The following SLC35F1 variants were observed in gnomAD, a reference collection of about 807,000 sequenced individuals.
SLC35F1 encodes solute carrier family 35 member F1, also known as chromosome 6 open reading frame 169.
In SLC35F1, 14 loss-of-function variants were observed where a neutral mutation model predicts 48.7. That is an observed-to-expected ratio of 0.29 (90% CI 0.19 to 0.45). SLC35F1 has a LOEUF of 0.45. Ranked by LOEUF, SLC35F1 falls within the 20% of genes least tolerant of loss-of-function variation. SLC35F1 has a pLI of 1.00. For missense variants in SLC35F1, 404 were observed against 500.0 expected (o/e 0.81, Z 1.83); for synonymous variants, 190 against 202.2 (o/e 0.94, Z 0.51).
At chr6:118,045,636 G>A (rs1241446837) in intron 1 of SLC35F1, among the ~76,000 whole-genome samples, 1 of 152,154 alleles carries the variant, frequency 6.6e-6, no homozygotes. Flanking sequence ...TCTTCTGCCT[G>A]TGCATCAGGG....
intron 3 of SLC35F1, among the ~76,000 whole-genome samples, chr6:118,250,105 A>G (rs1775554791): frequency 6.6e-6 from 1 of 152,196 alleles, no homozygotes; most frequent in Non-Finnish European, 1.5e-5. Context: ...AGGCGATGCA[A>G]TGAGCACCTC....
rs984215991 is a variant in SLC35F1, at chr6:118,018,328, G to A, written c.173+110429G>A. 4.6e-5 allele frequency among the ~76,000 whole-genome samples: 7 copies of A among 151,550 alleles called. No individual in the cohort carries two copies. The South Asian group carries it at 6.3e-4, about 14-fold the overall frequency. ...GGAGGTTGCAGTGAGCTGAGATCGC[G>A]CCACTGCATTCTAGCCTGGATGACA... On this transcript the variant is annotated intron_variant, in intron 1 of 7. Transcript: ENST00000360388.
chr6:118,029,819 G>A (rs1016474284), intron 1 of SLC35F1, among the ~76,000 whole-genome samples: 11 of 151,948 alleles, frequency 7.2e-5, no homozygotes, highest in Middle Eastern at 3.2e-3. Flanking sequence ...CCTTCACTAC[G>A]CTAATGTGAA....
At chr6:118,024,603 G>A (rs1157132373) in intron 1 of SLC35F1, among the ~76,000 whole-genome samples, 6 of 152,154 alleles carry the variant, frequency 3.9e-5, no homozygotes, top group African/African-American at 9.7e-5. Flanking sequence ...TGACCACAGA[G>A]TGAATTTCTG....
At chr6:118,218,617 C>A (rs537652670) in intron 2 of SLC35F1, among the ~76,000 whole-genome samples, 1 of 152,238 alleles carries the variant, frequency 6.6e-6, no homozygotes, top group South Asian at 2.1e-4. Flanking sequence ...AAAGAGTTTT[C>A]TTTTATTCAC....
At chr6:118,031,231 C>T (rs1438477187) in intron 1 of SLC35F1, among the ~76,000 whole-genome samples, 1 of 152,056 alleles carries the variant, frequency 6.6e-6, no homozygotes, top group Non-Finnish European at 1.5e-5. Flanking sequence ...TTCTTTATCC[C>T]TTACATCTGA....
At chr6:117,918,768 G>C (rs1196711196) in intron 1 of SLC35F1, among the ~76,000 whole-genome samples, 1 of 152,136 alleles carries the variant, frequency 6.6e-6, no homozygotes, top group Non-Finnish European at 1.5e-5. Flanking sequence ...CAAGAAGCCA[G>C]AACCATCATC....
At chr6:118,267,273 G>A in intron 4 of SLC35F1, 119 bp downstream of exon 4, 1 of 1,195,342 alleles carries the variant, frequency 8.4e-7, no homozygotes, top group South Asian at 1.4e-5. Context: ...CCCACTATCT[G>A]TGTCCTGTTC....
rs551182524 is a variant in SLC35F1 at position 118,131,854 on chromosome 6, C to T, written c.174-22591C>T. 1.3e-4 allele frequency among the ~76,000 whole-genome samples: 20 copies of T among 151,972 alleles called. No homozygotes were observed. In the South Asian group the frequency reaches 3.5e-3, roughly 27 times the overall value. On this transcript the variant is annotated intron_variant, in intron 1 of 7. Transcript: ENST00000360388. ...ATTAATATAAGTAATATATATCACCCTACTGATGAATCATTTTGTCTCTAT... is the reference window on the plus strand; with the variant it reads ...ATTAATATAAGTAATATATATCACCTTACTGATGAATCATTTTGTCTCTAT...
rs1465234977 is a variant in SLC35F1, at chr6:118,314,340, C to G, written c.*88C>G. 1.6e-6 allele frequency: 2 copies of G among 1,216,298 alleles called. No individual in the cohort carries two copies. The highest frequency in any genetic ancestry group is 3.0e-5 in the African/African-American group (2 of 66,500). 75.3% of individuals were successfully genotyped at this position (1,216,298 alleles called of 1,614,324 possible). ...TATTGTACATAGAGAAAGGTATTTA[C>G]TAGGTGCAGTTTACACAGGTGGACT... On this transcript the variant is annotated 3_prime_UTR_variant, in exon 8 of 8. Coordinates refer to ENST00000360388, the MANE Select transcript of SLC35F1 (RefSeq NM_001029858.4).
At chr6:118,118,769 A>T (rs1355796133) in intron 1 of SLC35F1, among the ~76,000 whole-genome samples, 2 of 152,178 alleles carry the variant, frequency 1.3e-5, no homozygotes, top group Non-Finnish European at 2.9e-5. Flanking sequence ...AGGAAGGGAC[A>T]GGGCTGGGAG....
chr6:117,990,856 G>T (rs1225077796), intron 1 of SLC35F1, among the ~76,000 whole-genome samples: 2 of 152,154 alleles, frequency 1.3e-5, no homozygotes, highest in Non-Finnish European at 2.9e-5. Context: ...TGCAGTTGGA[G>T]TGTTGGCTCC....
chr6:117,966,984 T>TATCA (rs906732382), intron 1 of SLC35F1, among the ~76,000 whole-genome samples: 7 of 152,218 alleles, frequency 4.6e-5, no homozygotes, highest in African/African-American at 1.7e-4. Context: ...GAAACTTTGA[T>TATCA]ATTTTTGATT....
At chr6:118,262,247 T>A (rs1001266757) in intron 3 of SLC35F1, among the ~76,000 whole-genome samples, 4 of 151,834 alleles carry the variant, frequency 2.6e-5, no homozygotes, top group African/African-American at 9.7e-5. Context: ...GAAGGGAGCA[T>A]CCACAGAAGT....
chr6:118,055,014 A>C (rs1283879012), intron 1 of SLC35F1, among the ~76,000 whole-genome samples: 1 of 152,104 alleles, frequency 6.6e-6, no homozygotes, highest in African/African-American at 2.4e-5. Context: ...TGACCGCGTG[A>C]TCCGCCTGCC....
intron 1 of SLC35F1, among the ~76,000 whole-genome samples, chr6:118,010,744 T>C (rs1777234042): frequency 6.6e-6 from 1 of 152,190 alleles, no homozygotes; most frequent in Admixed American, 6.5e-5. Flanking sequence ...TTGTTGTGTT[T>C]ACAGAATTTC....
At chr6:117,909,479 T>C (rs1296783769) in intron 1 of SLC35F1, among the ~76,000 whole-genome samples, 1 of 152,200 alleles carries the variant, frequency 6.6e-6, no homozygotes, top group African/African-American at 2.4e-5. Context: ...TAATGAATCA[T>C]AGAGCCCAGA....
intron 2 of SLC35F1, among the ~76,000 whole-genome samples, chr6:118,186,505 C>T (rs1774659120): frequency 6.6e-6 from 1 of 152,166 alleles, no homozygotes; most frequent in Non-Finnish European, 1.5e-5. Flanking sequence ...TACTAAATCA[C>T]TGTCTTCCTC....
At chr6:118,099,172 C>T (rs1451438118) in intron 1 of SLC35F1, among the ~76,000 whole-genome samples, 1 of 152,158 alleles carries the variant, frequency 6.6e-6, no homozygotes, top group African/African-American at 2.4e-5. Context: ...TGATGTCAGG[C>T]CAAGATTTTC....
Sources: gnomAD v4.1 joint callset for allele counts (sites outside exome capture counted in the v4.1 genomes callset) on GRCh38, gnomAD v4.1.1 for gene constraint, MANE v1.5 for transcripts, NCBI Gene and HGNC (gene_info 2026-07-23, HGNC 2026-07-21) for gene names.